FAM193A: variants seen among roughly 807,000 people sequenced by gnomAD.
FAM193A encodes protein FAM193A.
A neutral mutation model predicts 126.5 loss-of-function variants in FAM193A; 22 were observed. That is an observed-to-expected ratio of 0.17 (90% CI 0.12 to 0.25). FAM193A has a LOEUF of 0.25. Among genes scored for constraint, FAM193A ranks in the 10% least tolerant of loss-of-function variants. The pLI is 1.00. For synonymous variants in FAM193A, 761 were observed against 646.8 expected (o/e 1.18, Z -2.68); for missense variants, 1,675 against 1,672.8 (o/e 1.00, Z -0.02).
chr4:2,601,870 G>T (rs557711168), intron 2 of FAM193A, among the ~76,000 whole-genome samples: 4 of 151,656 alleles, frequency 2.6e-5, no homozygotes, highest in East Asian at 1.9e-4. Context: ...ATAGATTCTC[G>T]CTCTGTTGCC....
intron 19 of FAM193A, among the ~76,000 whole-genome samples, chr4:2,702,010 G>C (rs1484668764): frequency 6.6e-6 from 1 of 152,156 alleles, no homozygotes; most frequent in Non-Finnish European, 1.5e-5. Context: ...GACCTCAGTT[G>C]ATCCGCCTGC....
At chr4:2,552,970 C>T (rs868611701) in intron 1 of FAM193A, among the ~76,000 whole-genome samples, 37 of 150,390 alleles carry the variant, frequency 2.5e-4, no homozygotes, top group Middle Eastern at 3.5e-3. Context: ...GCCTCAGTCT[C>T]TTAAGTAGCT....
At chr4:2,657,140 C>T (rs936236121) in intron 7 of FAM193A, among the ~76,000 whole-genome samples, 1 of 152,216 alleles carries the variant, frequency 6.6e-6, no homozygotes, top group Non-Finnish European at 1.5e-5. Flanking sequence ...TGCACTCCAG[C>T]TTGGGTGATA....
intron 7 of FAM193A, among the ~76,000 whole-genome samples, chr4:2,651,898 C>T (rs1037751666): frequency 2.0e-5 from 3 of 152,124 alleles, no homozygotes; most frequent in Admixed American, 6.5e-5. Flanking sequence ...AGAGTCCAGA[C>T]CCCGTGTAGA....
chr4:2,590,500 A>C (rs76672263), intron 1 of FAM193A, among the ~76,000 whole-genome samples: 5,911 of 40,854 alleles, frequency 0.14, 1,401 homozygotes, highest in African/African-American at 0.38. Flanking sequence ...AAAAAACAAA[A>C]AAAAACAAAA....
chr4:2,549,435 C>T (rs1248874276), intron 1 of FAM193A, among the ~76,000 whole-genome samples: 1 of 116,110 alleles, frequency 8.6e-6, no homozygotes, highest in South Asian at 2.7e-4. Flanking sequence ...CTCGCTCTGT[C>T]GCCCAGGCTG....
intron 1 of FAM193A, among the ~76,000 whole-genome samples, chr4:2,574,236 G>A (rs927885935): frequency 3.3e-5 from 5 of 152,032 alleles, no homozygotes; most frequent in African/African-American, 1.2e-4. Context: ...GCTGTGGAAC[G>A]TCGGGAGTGG....
chr4:2,698,121 G>C (rs141029894), intron 18 of FAM193A, among the ~76,000 whole-genome samples: 150 of 152,332 alleles, frequency 9.8e-4, no homozygotes, highest in African/African-American at 3.5e-3. Context: ...GTGTGTTGAG[G>C]CTCACTGGCT....
intron 2 of FAM193A, among the ~76,000 whole-genome samples, chr4:2,610,314 A>G (rs1040776457): frequency 6.6e-6 from 1 of 151,864 alleles, no homozygotes; most frequent in Non-Finnish European, 1.5e-5. Context: ...CCCATAGATC[A>G]ATCAAGGCAT....
chr4:2,645,788 A>G (rs184336042), intron 6 of FAM193A, among the ~76,000 whole-genome samples: 143 of 152,244 alleles, frequency 9.4e-4, no homozygotes, highest in African/African-American at 3.4e-3. Flanking sequence ...AGGCCTCCCA[A>G]AGTGCTGGGA....
intron 3 of FAM193A, 93 bp from the exon 4 acceptor site, chr4:2,626,317 C>A: frequency 1.6e-6 from 1 of 643,562 alleles, no homozygotes. Flanking sequence ...GGGCAAGGTG[C>A]AAGAGCCTGG....
chr4:2,616,451 C>G (rs530106312), intron 2 of FAM193A, among the ~76,000 whole-genome samples: 4 of 152,308 alleles, frequency 2.6e-5, no homozygotes, highest in African/African-American at 9.6e-5. Context: ...AGTATTTACA[C>G]TCTTTCCATT....
chr4:2,655,116 T>G (rs1711527859), intron 7 of FAM193A: 1 of 700,400 alleles, frequency 1.4e-6, no homozygotes. Context: ...CAGTCCTGGC[T>G]TCGAGGGGCT....
At chr4:2,671,166 G>A (rs938433590) in intron 12 of FAM193A, among the ~76,000 whole-genome samples, 7 of 152,242 alleles carry the variant, frequency 4.6e-5, no homozygotes, top group Admixed American at 3.3e-4. Flanking sequence ...CCTCCAGCCC[G>A]TGAGGTGTCC....
chr4:2,636,606 C>G (rs1400308723), intron 5 of FAM193A, among the ~76,000 whole-genome samples: 1 of 152,156 alleles, frequency 6.6e-6, no homozygotes, highest in Non-Finnish European at 1.5e-5. Context: ...CACTGAGTAT[C>G]TTCTGGATGT....
intron 15 of FAM193A, among the ~76,000 whole-genome samples, chr4:2,693,009 C>T (rs1168447311): frequency 2.2e-4 from 34 of 151,986 alleles, no homozygotes. Flanking sequence ...TCAGGACCAG[C>T]CTGGACAACA....
chr4:2,631,756 G>C (rs998530591), intron 5 of FAM193A, among the ~76,000 whole-genome samples: 2 of 152,130 alleles, frequency 1.3e-5, no homozygotes, highest in African/African-American at 4.8e-5. Context: ...CACACAGATG[G>C]GTCCGGTTGC....
chr4:2,585,169 T>C (rs926577192), intron 1 of FAM193A, among the ~76,000 whole-genome samples: 1 of 152,236 alleles, frequency 6.6e-6, no homozygotes, highest in Non-Finnish European at 1.5e-5. Context: ...TATTTCCAGT[T>C]TGGGACTGGC....
intron 7 of FAM193A, among the ~76,000 whole-genome samples, chr4:2,653,279 A>G (rs1330184693): frequency 1.3e-5 from 2 of 152,190 alleles, no homozygotes; most frequent in Non-Finnish European, 2.9e-5. Flanking sequence ...CTGTTGTTCT[A>G]GGGAAAATGG....
Sources: allele counts gnomAD v4.1 joint callset (sites outside exome capture counted in the v4.1 genomes callset), GRCh38; gene constraint gnomAD v4.1.1; transcripts MANE v1.5; gene names NCBI Gene and HGNC (gene_info 2026-07-23, HGNC 2026-07-21).